The following EDIL3 variants were observed in gnomAD, a reference collection of about 807,000 sequenced individuals.
The protein encoded by EDIL3 is EGF-like repeat and discoidin I-like domain-containing protein 3.
EDIL3 carries 37 observed loss-of-function variants against 67.4 expected under a neutral mutation model. The ratio of observed to expected loss-of-function variants is 0.55; its 90% CI spans 0.42 to 0.72. The LOEUF is 0.72. EDIL3 is among the 30% of genes least tolerant of loss of function. The pLI is 0.00. For synonymous variants in EDIL3, 195 were observed against 196.3 expected, an observed-to-expected ratio of 0.99 and a Z score of 0.05; for missense variants, 527 against 586.3, an observed-to-expected ratio of 0.90 and a Z score of 1.04.
At chr5:84,138,030 C>G (rs1748125924) in intron 4 of EDIL3, among the ~76,000 whole-genome samples, 1 of 152,190 alleles carries the variant, frequency 6.6e-6, no homozygotes, top group Admixed American at 6.6e-5. Flanking sequence ...ATACTACTTT[C>G]CTTGCTAATT....
chr5:84,002,051 G>A (rs990870878), intron 9 of EDIL3, among the ~76,000 whole-genome samples: 1 of 152,012 alleles, frequency 6.6e-6, no homozygotes, highest in Non-Finnish European at 1.5e-5. Context: ...TTAGCAAAAT[G>A]AATTAAAACA....
chr5:84,374,545 T>C (rs1245402843), intron 1 of EDIL3, among the ~76,000 whole-genome samples: 1 of 152,180 alleles, frequency 6.6e-6, no homozygotes, highest in Non-Finnish European at 1.5e-5. Flanking sequence ...TTTCAACAGT[T>C]AAACAATTTA....
At chr5:84,159,481 T>A (rs1748565697) in intron 4 of EDIL3, among the ~76,000 whole-genome samples, 1 of 152,046 alleles carries the variant, frequency 6.6e-6, no homozygotes, top group African/African-American at 2.4e-5. Flanking sequence ...CCCCATATAT[T>A]GTTAAGTATA....
At chr5:84,176,181 A>AAT (rs1554071663) in intron 4 of EDIL3, among the ~76,000 whole-genome samples, 20 of 86,472 alleles carry the variant, frequency 2.3e-4, no homozygotes, top group African/African-American at 6.4e-4. Context: ...AGTGGTAAAA[A>AAT]ATATATATAT....
chr5:84,228,548 T>A (rs1445752), intron 3 of EDIL3, among the ~76,000 whole-genome samples: 66,610 of 151,820 alleles, frequency 0.44, 14,754 homozygotes, highest in African/African-American at 0.5. Flanking sequence ...GTTCCTATCC[T>A]AATCAGGCTA....
chr5:84,362,763 C>T (rs114726290), intron 1 of EDIL3, among the ~76,000 whole-genome samples: 2,237 of 152,168 alleles, frequency 0.015, 61 homozygotes, highest in African/African-American at 0.052. Flanking sequence ...ACCTCCAACT[C>T]TAGATTGGTT....
intron 9 of EDIL3, among the ~76,000 whole-genome samples, chr5:83,993,251 C>A (rs1745181552): frequency 6.6e-6 from 1 of 152,202 alleles, no homozygotes; most frequent in Non-Finnish European, 1.5e-5. Context: ...CAGCTCACTG[C>A]ACCCTCGACC....
chr5:84,054,077 A>T (rs541299562), intron 9 of EDIL3, among the ~76,000 whole-genome samples: 18 of 152,246 alleles, frequency 1.2e-4, no homozygotes, highest in South Asian at 4.1e-4. Context: ...CTGGCAAACC[A>T]AATCCAGCAG....
intron 10 of EDIL3, 40 bp downstream of exon 10, chr5:83,963,165 C>T: frequency 6.4e-7 from 1 of 1,552,112 alleles, no homozygotes; most frequent in Non-Finnish European, 8.7e-7. Context: ...TAATTTGATC[C>T]TCCACTTCTG....
At chr5:84,098,848 A>G (rs1384390261) in intron 6 of EDIL3, among the ~76,000 whole-genome samples, 1 of 152,166 alleles carries the variant, frequency 6.6e-6, no homozygotes, top group East Asian at 1.9e-4. Flanking sequence ...CAACTAAAAG[A>G]ACTAGGGAAC....
At chr5:84,074,809 G>C (rs1316192805) in intron 6 of EDIL3, among the ~76,000 whole-genome samples, 1 of 152,076 alleles carries the variant, frequency 6.6e-6, no homozygotes, top group Non-Finnish European at 1.5e-5. Context: ...CAGGGATCTA[G>C]AACTAGAAAT....
intron 6 of EDIL3, among the ~76,000 whole-genome samples, chr5:84,096,354 G>T (rs1580324941): frequency 6.6e-6 from 1 of 152,152 alleles, no homozygotes; most frequent in Non-Finnish European, 1.5e-5. Context: ...AGGAGAAGAT[G>T]CCCAAGACCA....
intron 4 of EDIL3, among the ~76,000 whole-genome samples, chr5:84,170,283 C>T (rs986220932): frequency 2.6e-5 from 4 of 152,168 alleles, no homozygotes; most frequent in African/African-American, 7.2e-5. Context: ...GGCTGAGCAA[C>T]GGTGTTCACA....
chr5:84,360,330 C>A (rs1184273057), intron 1 of EDIL3, among the ~76,000 whole-genome samples: 2 of 152,172 alleles, frequency 1.3e-5, no homozygotes, highest in African/African-American at 2.4e-5. Context: ...TTGGACCTTA[C>A]AGAAATATGT....
intron 5 of EDIL3, among the ~76,000 whole-genome samples, chr5:84,111,385 T>G (rs1488736785): frequency 2.0e-5 from 3 of 152,202 alleles, no homozygotes; most frequent in African/African-American, 7.2e-5. Context: ...GCTTATACTC[T>G]GCTTATCTAA....
At chr5:84,277,734 C>A (rs1242272666) in intron 1 of EDIL3, among the ~76,000 whole-genome samples, 1 of 152,100 alleles carries the variant, frequency 6.6e-6, no homozygotes, top group East Asian at 1.9e-4. Context: ...ATCATTTACA[C>A]AGGGGCTTTG....
At chr5:84,256,636 G>A (rs944546028) in intron 1 of EDIL3, among the ~76,000 whole-genome samples, 3 of 152,122 alleles carry the variant, frequency 2.0e-5, no homozygotes, top group African/African-American at 7.2e-5. Context: ...CTTGTATGCT[G>A]TGCCAAAAAT....
chr5:84,156,796 G>C (rs182640069), intron 4 of EDIL3, among the ~76,000 whole-genome samples: 2 of 152,178 alleles, frequency 1.3e-5, no homozygotes, highest in African/African-American at 4.8e-5. Flanking sequence ...TTCCCTAAGA[G>C]AGCAATAATC....
intron 9 of EDIL3, among the ~76,000 whole-genome samples, chr5:84,056,246 T>C (rs1015903401): frequency 6.6e-6 from 1 of 151,824 alleles, no homozygotes; most frequent in Non-Finnish European, 1.5e-5. Context: ...CCGCATGTTC[T>C]CACTCATAGG....
Sources: allele counts gnomAD v4.1 joint callset (sites outside exome capture counted in the v4.1 genomes callset), GRCh38; gene constraint gnomAD v4.1.1; transcripts MANE v1.5; gene names NCBI Gene and HGNC (gene_info 2026-07-23, HGNC 2026-07-21).